The following APOBEC1 variants were observed in gnomAD, a reference collection of about 807,000 sequenced individuals.
The protein encoded by APOBEC1 is C->U-editing enzyme APOBEC-1.
Under a neutral mutation model 26.3 loss-of-function variants are expected in APOBEC1, and 22 were observed. The ratio of observed to expected loss-of-function variants is 0.84; its 90% CI spans 0.60 to 1.19. The LOEUF (loss-of-function observed/expected upper bound fraction) is 1.19, where lower values mean the gene tolerates loss of function less well. Among genes scored for constraint, APOBEC1 ranks in the 50% most tolerant of loss-of-function variants. The probability of loss-of-function intolerance (pLI) is 0.00; values close to 1 mark genes in which losing one functional copy is unlikely to be tolerated. For synonymous variants in APOBEC1, 77 were observed against 95.3 expected, an observed-to-expected ratio of 0.81 and a Z score of 1.12; for missense variants, 253 against 289.0, an observed-to-expected ratio of 0.88 and a Z score of 0.90.
At chr12:7,654,893 A>G (rs1863691959) in intron 1 of APOBEC1, among the ~76,000 whole-genome samples, 1 of 152,174 alleles carries the variant, frequency 6.6e-6, no homozygotes, top group Non-Finnish European at 1.5e-5. Flanking sequence ...ATGATTAAGC[A>G]CAATGGGAAA....
chr12:7,658,045 C>CTGTTT (rs75339711), intron 1 of APOBEC1, among the ~76,000 whole-genome samples: 45,980 of 149,536 alleles, frequency 0.31, 7,991 homozygotes, highest in Non-Finnish European at 0.4. Context: ...TTGATTTGTT[C>CTGTTT]TGTTTTGTTT....
At chr12:7,659,662 A>C (rs1042509160) in intron 1 of APOBEC1, among the ~76,000 whole-genome samples, 6 of 152,154 alleles carry the variant, frequency 3.9e-5, no homozygotes, top group African/African-American at 1.4e-4. Flanking sequence ...TTATTTTAAA[A>C]AAGAAAAACT....
At chr12:7,651,258 A>C in intron 3 of APOBEC1, 117 bp from the exon 4 acceptor site, 1 of 698,836 alleles carries the variant, frequency 1.4e-6, no homozygotes, top group South Asian at 1.7e-5. Context: ...TTGCTGCTGG[A>C]CATTAGACCC....
At position 7,660,387 on chromosome 12, in the gene APOBEC1, A is replaced by G. The variant is rs1351007131; in HGVS notation, c.16+5470T>C. On this transcript the variant is annotated intron_variant, in intron 1 of 4. Coordinates refer to ENST00000229304, the MANE Select transcript of APOBEC1 (RefSeq NM_001644.5). ...AGGAAGGAAGGAAGGAAAGAAAGAA[A>G]GAAAGAAAGAAAGAAAGAAAGAAAG... Among the ~76,000 whole-genome samples, 641 of 74,526 alleles carry G rather than the reference A, an allele frequency of 8.6e-3. 6 individuals are homozygous for G. Among genetic ancestry groups the G allele is most frequent in the Non-Finnish European group, 0.015 (462 of 29,998 alleles). The allele number at this position is 74,526 out of a possible 152,430, so 48.9% of individuals were successfully genotyped here.
chr12:7,656,085 C>T (rs1863711308), intron 1 of APOBEC1, among the ~76,000 whole-genome samples: 1 of 152,030 alleles, frequency 6.6e-6, no homozygotes, highest in African/African-American at 2.4e-5. Flanking sequence ...GATCCTCCTG[C>T]TTCAGCCTCC....
chr12:7,660,716 A>AG (rs892464330), intron 1 of APOBEC1, among the ~76,000 whole-genome samples: 1 of 151,518 alleles, frequency 6.6e-6, no homozygotes, highest in African/African-American at 2.4e-5. Context: ...AAAAAAAAAA[A>AG]AAGGGTATTT....
At chr12:7,651,560 C>T (rs1451777285) in intron 3 of APOBEC1, among the ~76,000 whole-genome samples, 1 of 145,552 alleles carries the variant, frequency 6.9e-6, no homozygotes, top group South Asian at 2.2e-4. Context: ...TGCAGTGAGT[C>T]GAGATTGCAC....
At position 7,652,758 on chromosome 12, in the gene APOBEC1, T is replaced by C. The variant is rs777644556; in HGVS notation, c.122A>G (p.Glu41Gly). The C allele has an allele frequency of 6.2e-7, 1 of 1,614,126 alleles. No individual in the cohort carries two copies. Among genetic ancestry groups the C allele is most frequent in the South Asian group, 1.1e-5 (1 of 91,080 alleles). ...ELRKEACLLY[E>G]IKWGMSRKIW... ...CTTCCGGCTCATGCCCCACTTGATTTCGTAGAGCAGACAGGCCTCTTTACG... is the reference window on the plus strand; with the variant it reads ...CTTCCGGCTCATGCCCCACTTGATTCCGTAGAGCAGACAGGCCTCTTTACG... The change falls in exon 3 of 5, where the codon GAA (glutamate) becomes GGA (glycine). Residue 41 changes from glutamate (E) to glycine (G), a missense_variant. By Grantham distance (98) the Glu-to-Gly change is moderately conservative (BLOSUM62 -2). Transcript: ENST00000229304.
At chr12:7,665,333 TG>T (rs571601444) in intron 1 of APOBEC1, among the ~76,000 whole-genome samples, 96 of 152,318 alleles carry the variant, frequency 6.3e-4, no homozygotes, top group South Asian at 2.7e-3. Flanking sequence ...AGTCTTGCTC[TG>T]TTGCCCAGGC....
intron 1 of APOBEC1, among the ~76,000 whole-genome samples, chr12:7,662,306 G>A (rs896102662): frequency 6.6e-6 from 1 of 151,916 alleles, no homozygotes; most frequent in Non-Finnish European, 1.5e-5. Flanking sequence ...AGACGGCCGG[G>A]TACGGTGGAT....
chr12:7,669,123 C>T (rs929992731), upstream of APOBEC1, among the ~76,000 whole-genome samples: 1 of 151,982 alleles, frequency 6.6e-6, no homozygotes, highest in African/African-American at 2.4e-5. Context: ...TTAGTTTTGA[C>T]TATTATAGAA....
intron 1 of APOBEC1, among the ~76,000 whole-genome samples, chr12:7,655,253 G>A (rs748736761): frequency 6.6e-6 from 1 of 152,232 alleles, no homozygotes; most frequent in African/African-American, 2.4e-5. Context: ...GCTCACGCCT[G>A]TAATCCCAGC....
chr12:7,661,037 C>CAAAAAAAAAA (rs764452957), intron 1 of APOBEC1, among the ~76,000 whole-genome samples: 1 of 91,042 alleles, frequency 1.1e-5, no homozygotes, highest in African/African-American at 3.9e-5. Context: ...ACTAAAAATA[C>CAAAAAAAAAA]AAAAAAAAAA....
chr12:7,651,016 G>A lies in APOBEC1; in HGVS notation c.561+7C>T. ...GCATCAACATTTGTGTCCCTAAAGT[G>A]ACTTACTAGAATTATGCAGTGCAGC... On this transcript the variant is annotated splice_region_variant and intron_variant, in intron 4 of 4. Transcript: ENST00000229304. 1 of 1,588,262 alleles carries A rather than the reference G, an allele frequency of 6.3e-7. No homozygotes were observed. Among genetic ancestry groups the A allele is most frequent in the South Asian group, 1.1e-5 (1 of 88,944 alleles).
Position 7,652,560 on chromosome 12 carries a change from T to A in APOBEC1, c.320A>T (p.His107Leu). The change falls in exon 3 of 5, where the codon CAC becomes CTC. Residue 107 changes from histidine to leucine, a missense_variant. By Grantham distance (99) the His-to-Leu change is moderately conservative (BLOSUM62 -3). Transcript: ENST00000229304. ...GTAGATCACTAGAGTCACACCAGGG[T>A]GCCGACTCAGAAACTCTCTAATAGC... ...SQAIREFLSR[H>L]PGVTLVIYVA... 1 of 1,614,178 alleles carries A rather than the reference T, an allele frequency of 6.2e-7. No homozygotes were observed. Among genetic ancestry groups the A allele is most frequent in the Admixed American group, 1.7e-5 (1 of 60,014 alleles).
At chr12:7,656,207 G>A (rs1269918102) in intron 1 of APOBEC1, among the ~76,000 whole-genome samples, 4 of 151,688 alleles carry the variant, frequency 2.6e-5, no homozygotes, top group East Asian at 1.9e-4. Flanking sequence ...TTTATATACC[G>A]CAGGCCTGCT....
In APOBEC1 at chr12:7,664,726, G is replaced by A. The variant is rs1216241488; in HGVS notation, c.16+1131C>T. ...GCCCAGGAGTTCAAGACCAGCCTGA[G>A]CAATAAAGCAAGACCTCATCTCTAC... On this transcript the variant is annotated intron_variant, in intron 1 of 4. Coordinates refer to ENST00000229304, the MANE Select transcript of APOBEC1 (RefSeq NM_001644.5). 2.6e-5 allele frequency among the ~76,000 whole-genome samples: 4 copies of A among 151,900 alleles called. No homozygotes were observed. In the East Asian group the frequency reaches 7.7e-4, roughly 29 times the overall value.
At chr12:7,652,349 C>G in intron 3 of APOBEC1, 89 bp downstream of exon 3, 2 of 1,240,252 alleles carry the variant, frequency 1.6e-6, no homozygotes, top group Non-Finnish European at 1.1e-6. Flanking sequence ...AGACTTCCAG[C>G]CTGGGCTAAC....
At position 7,660,375 on chromosome 12, in the gene APOBEC1, G is replaced by GGAAAGAAA. The variant is rs1555094885; in HGVS notation, c.16+5474_16+5481dup. 1.3e-4 allele frequency among the ~76,000 whole-genome samples: 3 copies of GGAAAGAAA among 23,972 alleles called. No homozygotes were observed. In the Admixed American group the frequency reaches 1.5e-3, roughly 12 times the overall value. 15.7% of individuals were successfully genotyped at this position (23,972 alleles called of 152,430 possible). On this transcript the variant is annotated intron_variant, in intron 1 of 4. Transcript: ENST00000229304. ...AGGAAGGAAGGAAGGAAGGAAGGAA[G>GGAAAGAAA]GAAAGAAAGAAAGAAAGAAAGAAAG... is the stretch of plus-strand genomic sequence containing the variant.
Sources: gnomAD v4.1 joint callset for allele counts (sites outside exome capture counted in the v4.1 genomes callset) on GRCh38, gnomAD v4.1.1 for gene constraint, MANE v1.5 for transcripts, NCBI Gene and HGNC (gene_info 2026-07-23, HGNC 2026-07-21) for gene names.